UBE2B: variants seen among roughly 807,000 people sequenced by gnomAD.
UBE2B encodes ubiquitin conjugating enzyme E2 B.
In UBE2B, 11 loss-of-function variants were observed where a neutral mutation model predicts 24.6. The observed-to-expected ratio is 0.45, with a 90% CI of 0.28 to 0.74. UBE2B has a LOEUF of 0.74. UBE2B is among the 30% of genes least tolerant of loss of function. The pLI is 0.13. For missense variants in UBE2B, 78 were observed against 185.6 expected, an observed-to-expected ratio of 0.42 and a Z score of 3.37; for synonymous variants, 68 against 62.4, an observed-to-expected ratio of 1.09 and a Z score of -0.42.
At chr5:134,372,899 G>C (rs1758507605) in intron 1 of UBE2B, among the ~76,000 whole-genome samples, 1 of 152,092 alleles carries the variant, frequency 6.6e-6, no homozygotes, top group Non-Finnish European at 1.5e-5. Flanking sequence ...TGCCCTTTTT[G>C]GTGCAAAAGT....
In UBE2B at chr5:134,390,144, T is replaced by C; in HGVS notation, c.331-81T>C. 2 of 1,556,886 alleles carry C rather than the reference T, an allele frequency of 1.3e-6. No individual in the cohort carries two copies. Among genetic ancestry groups the C allele is most frequent in the Non-Finnish European group, 8.8e-7 (1 of 1,137,258 alleles). On this transcript the variant is annotated intron_variant, in intron 5 of 5. Transcript: ENST00000265339. This position sits in a 1 kb window ranked among gnomAD's most constrained non-coding sequence, Gnocchi z 4.6. ...GTAATTTGTTGTTTTGTATAACTTT[T>C]CTGTAATATATTCCATATCTGACCC...
At chr5:134,375,791 C>T (rs1446136285) in intron 2 of UBE2B, among the ~76,000 whole-genome samples, 2 of 121,750 alleles carry the variant, frequency 1.6e-5, no homozygotes, top group Non-Finnish European at 3.3e-5. Flanking sequence ...CAGCGAGACT[C>T]CGTCTCAAAA....
At chr5:134,379,635 C>G (rs1018669391) in intron 3 of UBE2B, among the ~76,000 whole-genome samples, 3 of 135,942 alleles carry the variant, frequency 2.2e-5, no homozygotes, top group African/African-American at 8.7e-5. Flanking sequence ...AACAGTGAGA[C>G]TCTGTCTCAA....
intron 3 of UBE2B, among the ~76,000 whole-genome samples, chr5:134,378,181 C>G (rs1055411717): frequency 6.6e-6 from 1 of 152,086 alleles, no homozygotes. Flanking sequence ...AAAAAAGTTA[C>G]CAATTTTTCT....
intron 4 of UBE2B, chr5:134,385,621 A>G (rs1758786549): frequency 6.6e-6 from 1 of 152,174 alleles, no homozygotes; most frequent in African/African-American, 2.4e-5. Flanking sequence ...CCAGATGTTC[A>G]GGACTTTTGA....
At chr5:134,379,666 G>GAAGA (rs139861752) in intron 3 of UBE2B, among the ~76,000 whole-genome samples, 5 of 147,472 alleles carry the variant, frequency 3.4e-5, no homozygotes, top group African/African-American at 5.1e-5. Flanking sequence ...AAAAAAAAAG[G>GAAGA]AAGAAAGAAA....
intron 2 of UBE2B, among the ~76,000 whole-genome samples, chr5:134,375,929 CAA>C (rs1451401124): frequency 6.7e-6 from 1 of 149,558 alleles, no homozygotes; most frequent in Non-Finnish European, 1.5e-5. Context: ...CCTATTTGAA[CAA>C]GAGTTATGGC....
chr5:134,384,379 G>A (rs1758762764), intron 4 of UBE2B, among the ~76,000 whole-genome samples: 1 of 151,912 alleles, frequency 6.6e-6, no homozygotes, highest in Non-Finnish European at 1.5e-5. Flanking sequence ...GTCCAAGACA[G>A]GTTTAATTTT....
At chr5:134,371,733 G>T in intron 1 of UBE2B, 94 bp downstream of exon 1, 2 of 1,562,276 alleles carry the variant, frequency 1.3e-6, no homozygotes, top group Non-Finnish European at 1.7e-6. Flanking sequence ...GTGACCCTCA[G>T]AGGGCCGGCT....
chr5:134,390,613 G>T lies in UBE2B; in HGVS notation c.*260G>T. 2.6e-6 allele frequency: 1 copy of T among 377,724 alleles called. No homozygotes were observed. The highest frequency in any genetic ancestry group is 4.9e-6 in the Non-Finnish European group (1 of 204,654). The allele number at this position is 377,724 out of a possible 1,614,324, so 23.4% of individuals were successfully genotyped here. On this transcript the variant is annotated 3_prime_UTR_variant, in exon 6 of 6. Coordinates refer to ENST00000265339, the MANE Select transcript of UBE2B (RefSeq NM_003337.4). The surrounding 1 kb of genome is among the most constrained non-coding windows in gnomAD (Gnocchi z 4.6). ...TTTTCCAAGTGTATAATGTTGGTGT[G>T]GAGTTTTCATGACAGAATATACACA...
chr5:134,387,055 G>T (rs1261032885), intron 4 of UBE2B, among the ~76,000 whole-genome samples: 1 of 151,678 alleles, frequency 6.6e-6, no homozygotes, highest in African/African-American at 2.4e-5. Flanking sequence ...TGCCTCCTGG[G>T]TTCAAGCAAT....
intron 5 of UBE2B, 139 bp downstream of exon 5, chr5:134,388,552 T>C (rs1758845853): frequency 1.3e-6 from 1 of 753,100 alleles, no homozygotes; most frequent in East Asian, 2.7e-5. Flanking sequence ...CAGTAGTGCC[T>C]ACTTGGGATC....
chr5:134,380,245 G>A (rs1758686994), intron 3 of UBE2B, among the ~76,000 whole-genome samples: 2 of 152,086 alleles, frequency 1.3e-5, no homozygotes, highest in African/African-American at 4.8e-5. Flanking sequence ...CTGAGTTAAA[G>A]TTTTTTTGTG....
intron 2 of UBE2B, 97 bp downstream of exon 2, chr5:134,374,560 G>A: frequency 7.6e-7 from 1 of 1,320,234 alleles, no homozygotes; most frequent in Non-Finnish European, 1.1e-6. Context: ...GAGGTGGAAT[G>A]AGAGATCTTA....
At chr5:134,384,318 T>C (rs1054670931) in intron 4 of UBE2B, among the ~76,000 whole-genome samples, 2 of 152,208 alleles carry the variant, frequency 1.3e-5, no homozygotes, top group African/African-American at 4.8e-5. Context: ...TGGCACTTCA[T>C]TTCTGTGAAG....
rs70976528 is a variant in UBE2B, at chr5:134,376,364, T to TATATATATATAC, written c.126-304_126-303insTATATATATACA. Among the ~76,000 whole-genome samples the TATATATATATAC allele has an allele frequency of 9.2e-4, 73 of 79,486 alleles. 3 individuals carry two copies. Among genetic ancestry groups the TATATATATATAC allele is most frequent in the African/African-American group, 3.4e-3 (66 of 19,416 alleles). 52.1% of individuals were successfully genotyped at this position (79,486 alleles called of 152,430 possible). A position where few individuals can be genotyped will look rare whatever the true frequency, so the allele number is the denominator to read the frequency against. On this transcript the variant is annotated intron_variant, in intron 2 of 5. Transcript: ENST00000265339. ...AAAAAAAAAAATATATATATATATATACACATATGTACAAAATGACTGGTC... is the reference window on the plus strand; with the variant it reads ...AAAAAAAAAAATATATATATATATATATATATATATACACACATATGTACAAAATGACTGGTC...
intron 2 of UBE2B, among the ~76,000 whole-genome samples, chr5:134,375,340 CTT>C (rs1758579408): frequency 6.6e-6 from 1 of 152,072 alleles, no homozygotes; most frequent in East Asian, 1.9e-4. Flanking sequence ...TTTTTCTAGA[CTT>C]GATCTATTTT....
intron 4 of UBE2B, among the ~76,000 whole-genome samples, chr5:134,384,767 A>G (rs1758768534): frequency 6.6e-6 from 1 of 152,242 alleles, no homozygotes; most frequent in Non-Finnish European, 1.5e-5. Context: ...GGTTTTTAGC[A>G]TAATCATAAC....
intron 4 of UBE2B, among the ~76,000 whole-genome samples, chr5:134,383,750 G>A (rs992741875): frequency 1.3e-5 from 2 of 151,972 alleles, no homozygotes; most frequent in African/African-American, 2.4e-5. Flanking sequence ...GTGAGCCACC[G>A]TGCCCGGCCT....
Sources: gnomAD v4.1 joint callset for allele counts (sites outside exome capture counted in the v4.1 genomes callset) on GRCh38, gnomAD v4.1.1 for gene constraint, Gnocchi (gnomAD v3.1) non-coding constraint, MANE v1.5 for transcripts, NCBI Gene and HGNC (gene_info 2026-07-23, HGNC 2026-07-21) for gene names.